Variants in EXOC4 observed in about 807,000 individuals in gnomAD.
The protein encoded by EXOC4 is SEC8-like 1.
Under a neutral mutation model 107.2 loss-of-function variants are expected in EXOC4, and 71 were observed. That is an observed-to-expected ratio of 0.66 (90% CI 0.55 to 0.81). The LOEUF is 0.81. Ranked by LOEUF, EXOC4 falls within the 30% of genes least tolerant of loss-of-function variation. The probability of loss-of-function intolerance (pLI) is 0.00; values close to 1 mark genes in which losing one functional copy is unlikely to be tolerated. For synonymous variants in EXOC4, 456 were observed against 441.2 expected, an observed-to-expected ratio of 1.03 and a Z score of -0.42; for missense variants, 1,108 against 1,189.6, an observed-to-expected ratio of 0.93 and a Z score of 1.01.
chr7:133,576,267 T>C (rs1180870315), intron 9 of EXOC4, among the ~76,000 whole-genome samples: 1 of 152,166 alleles, frequency 6.6e-6, no homozygotes, highest in Non-Finnish European at 1.5e-5. Flanking sequence ...TTAAAAGATT[T>C]ATTTTTTGCC....
chr7:133,832,562 C>T (rs1200333361), intron 11 of EXOC4, among the ~76,000 whole-genome samples: 1 of 152,184 alleles, frequency 6.6e-6, no homozygotes, highest in Non-Finnish European at 1.5e-5. Flanking sequence ...CAAGAAGTAG[C>T]TTTTTCAGAC....
At chr7:134,055,310 T>C (rs1795895195) in intron 17 of EXOC4, among the ~76,000 whole-genome samples, 1 of 152,144 alleles carries the variant, frequency 6.6e-6, no homozygotes, top group African/African-American at 2.4e-5. Context: ...GTCTTAAGAC[T>C]CCCAGAGGCT....
intron 9 of EXOC4, among the ~76,000 whole-genome samples, chr7:133,491,345 T>A (rs1799368294): frequency 6.6e-6 from 1 of 152,214 alleles, no homozygotes; most frequent in South Asian, 2.1e-4. Flanking sequence ...TGCACATTAA[T>A]GTCTGATTTC....
intron 3 of EXOC4, among the ~76,000 whole-genome samples, chr7:133,291,710 T>A (rs1382542274): frequency 2.0e-5 from 3 of 151,882 alleles, no homozygotes; most frequent in African/African-American, 4.8e-5. Context: ...TGCAAGAAAA[T>A]TTTTTTTCCA....
chr7:133,364,766 A>G (rs1375115026), intron 6 of EXOC4, among the ~76,000 whole-genome samples: 2 of 152,150 alleles, frequency 1.3e-5, no homozygotes, highest in Non-Finnish European at 1.5e-5. Context: ...CTGGTATCTC[A>G]CCTGAGTGAG....
downstream of EXOC4, among the ~76,000 whole-genome samples, chr7:134,069,737 G>T (rs1017382157): frequency 6.6e-6 from 1 of 152,132 alleles, no homozygotes; most frequent in East Asian, 1.9e-4. Context: ...CTCCCAAAGC[G>T]CTGGGACTAC....
chr7:134,070,853 G>A (rs1177522286), downstream of EXOC4, among the ~76,000 whole-genome samples: 32 of 151,998 alleles, frequency 2.1e-4, 1 homozygote, highest in Admixed American at 2.1e-3. Flanking sequence ...CATTTAGAAA[G>A]GTGACCTCAG....
At chr7:133,734,022 C>T (rs530782855) in intron 10 of EXOC4, among the ~76,000 whole-genome samples, 27 of 152,316 alleles carry the variant, frequency 1.8e-4, no homozygotes, top group African/African-American at 5.8e-4. Flanking sequence ...TTACCAACTC[C>T]ATAATTGACA....
chr7:133,703,440 G>T (rs1308831160), intron 10 of EXOC4, among the ~76,000 whole-genome samples: 2 of 152,152 alleles, frequency 1.3e-5, no homozygotes, highest in Non-Finnish European at 2.9e-5. Context: ...TTTTTGATGA[G>T]AATTTCTGCT....
At chr7:133,331,053 A>G (rs775123237) in intron 5 of EXOC4, among the ~76,000 whole-genome samples, 4 of 152,102 alleles carry the variant, frequency 2.6e-5, no homozygotes, top group Non-Finnish European at 4.4e-5. Flanking sequence ...TACTGTTACA[A>G]TTATTATATT....
chr7:133,655,478 A>G (rs1803268309), intron 10 of EXOC4, among the ~76,000 whole-genome samples: 1 of 152,302 alleles, frequency 6.6e-6, no homozygotes, highest in African/African-American at 2.4e-5. Flanking sequence ...TTAGCTTAAA[A>G]CACAAACACA....
intron 14 of EXOC4, among the ~76,000 whole-genome samples, chr7:133,939,904 T>TTCTCCCC: frequency 6.6e-6 from 1 of 152,320 alleles, no homozygotes; most frequent in East Asian, 1.9e-4. Flanking sequence ...CTCTGCTCCC[T>TTCTCCCC]TCTCCCCTCT....
intron 13 of EXOC4, among the ~76,000 whole-genome samples, chr7:133,926,177 A>G (rs1800048172): frequency 6.6e-6 from 1 of 152,158 alleles, no homozygotes; most frequent in African/African-American, 2.4e-5. Flanking sequence ...TTCCTACTCA[A>G]CATATGAGGA....
intron 7 of EXOC4, among the ~76,000 whole-genome samples, chr7:133,391,929 TG>T (rs1357793893): frequency 6.6e-5 from 10 of 152,112 alleles, no homozygotes; most frequent in African/African-American, 2.4e-4. Context: ...CTGGGAACAA[TG>T]GGGGTGAGAC....
chr7:134,058,904 A>C (rs925767698), intron 17 of EXOC4, among the ~76,000 whole-genome samples: 2 of 152,222 alleles, frequency 1.3e-5, no homozygotes, highest in African/African-American at 2.4e-5. Flanking sequence ...TAACGTAGAT[A>C]ATTGTAGTTC....
intron 10 of EXOC4, among the ~76,000 whole-genome samples, chr7:133,779,721 C>T (rs1173337448): frequency 6.6e-6 from 1 of 152,156 alleles, no homozygotes; most frequent in African/African-American, 2.4e-5. Flanking sequence ...CGCTCTGTAG[C>T]TAGCTAGAGA....
At chr7:133,400,944 G>A (rs1425849801) in intron 7 of EXOC4, among the ~76,000 whole-genome samples, 3 of 152,156 alleles carry the variant, frequency 2.0e-5, no homozygotes. Flanking sequence ...CCTCAGAGTG[G>A]GGGCACGAGG....
Position 133,393,148 on chromosome 7 carries a change from G to A in EXOC4, c.1182+18146G>A, listed in dbSNP as rs10257975. Among the ~76,000 whole-genome samples the A allele has an allele frequency of 1.5e-3, 221 of 152,184 alleles. 2 individuals are homozygous for A. Among genetic ancestry groups the A allele is most frequent in the African/African-American group, 4.9e-3 (205 of 41,524 alleles). On this transcript the variant is annotated intron_variant, in intron 7 of 17. Coordinates refer to ENST00000253861, the MANE Select transcript of EXOC4 (RefSeq NM_021807.4). ...TCCAGTCCTCTGTCTTACCTATGAA[G>A]CATCCATTGATCATTTCCCTTCAAG...
chr7:133,660,548 A>G (rs1171623754), intron 10 of EXOC4, among the ~76,000 whole-genome samples: 3 of 152,212 alleles, frequency 2.0e-5, no homozygotes, highest in Non-Finnish European at 4.4e-5. Flanking sequence ...GCTGATCTCT[A>G]TAAGCCATGG....
Sources: gnomAD v4.1 joint callset for allele counts (sites outside exome capture counted in the v4.1 genomes callset) on GRCh38, gnomAD v4.1.1 for gene constraint, MANE v1.5 for transcripts, NCBI Gene and HGNC (gene_info 2026-07-23, HGNC 2026-07-21) for gene names.